TSPAN15: variants seen among roughly 807,000 people sequenced by gnomAD.
TSPAN15 encodes tetraspanin 15.
A neutral mutation model predicts 34.5 loss-of-function variants in TSPAN15; 20 were observed. The observed-to-expected ratio is 0.58, with a 90% CI of 0.41 to 0.84. The LOEUF is 0.84. Ranked by LOEUF, TSPAN15 falls within the 40% of genes least tolerant of loss-of-function variation. The probability of loss-of-function intolerance (pLI) is 0.00; values close to 1 mark genes in which losing one functional copy is unlikely to be tolerated. For synonymous variants in TSPAN15, 155 were observed against 153.9 expected (o/e 1.01, Z -0.05); for missense variants, 313 against 386.1 (o/e 0.81, Z 1.59).
In TSPAN15 at chr10:69,498,370, C is replaced by G; in HGVS notation, c.544C>G (p.Pro182Ala). 6.2e-7 allele frequency: 1 copy of G among 1,613,854 alleles called. No homozygotes were observed. Among genetic ancestry groups the G allele is most frequent in the Non-Finnish European group, 8.5e-7 (1 of 1,179,924 alleles). Reference sequence around the variant, plus strand: ...CCCTGGACCCCTGGCCTGTGGGGTGCCCTACACCTGCTGCATCAGGAACAC... The same window carrying G: ...CCCTGGACCCCTGGCCTGTGGGGTGGCCTACACCTGCTGCATCAGGAACAC... Reference protein sequence around the residue: ...SAPGPLACGVPYTCCIRNTTE... With the variant: ...SAPGPLACGVAYTCCIRNTTE... The change falls in exon 5 of 8, where the codon CCC (proline) becomes GCC (alanine). Residue 182 changes from proline (P) to alanine (A), a missense_variant. Transcript: ENST00000373290.
At chr10:69,489,753 C>A (rs1307687655) in intron 3 of TSPAN15, among the ~76,000 whole-genome samples, 1 of 152,250 alleles carries the variant, frequency 6.6e-6, no homozygotes. Context: ...ACTGGTGCCG[C>A]TTCTCCACTC....
chr10:69,543,705 T>C, the TSPAN15 span, among the ~76,000 whole-genome samples: 12 of 151,810 alleles, frequency 7.9e-5, no homozygotes, highest in East Asian at 2.3e-3. Context: ...TCCCTGGCGG[T>C]GGTCCGGAAT....
chr10:69,486,434 A>T (rs111827199), intron 3 of TSPAN15, among the ~76,000 whole-genome samples: 63 of 151,960 alleles, frequency 4.1e-4, no homozygotes, highest in African/African-American at 9.4e-4. Flanking sequence ...CTTTTTTTTT[A>T]AAAATAATGT....
chr10:69,479,198 G>C (rs73275759), intron 1 of TSPAN15, among the ~76,000 whole-genome samples: 1 of 152,208 alleles, frequency 6.6e-6, no homozygotes, highest in Admixed American at 6.5e-5. Context: ...GCAGGTCCTC[G>C]TTAAGTGCAG....
At position 69,485,209 on chromosome 10, in the gene TSPAN15, G is replaced by A; in HGVS notation, c.351G>A (p.Arg117=). The change falls in exon 3 of 8, where the codon CGG becomes CGA. Residue 117 remains arginine, a synonymous_variant. Transcript: ENST00000373290. ...LIGGVVALTF[R]NQTIDFLNDN... The stretch of plus-strand genomic sequence containing the variant: ...GTGGCGTGGTGGCCTTGACCTTCCG[G>A]AACCAGGTGGGCCTGTGGATTTGTG... 6.2e-7 allele frequency: 1 copy of A among 1,614,078 alleles called. No individual in the cohort carries two copies.
At chr10:69,492,151 G>A (rs1470833502) in intron 3 of TSPAN15, among the ~76,000 whole-genome samples, 1 of 152,180 alleles carries the variant, frequency 6.6e-6, no homozygotes, top group East Asian at 1.9e-4. Context: ...GGCCTGGTTT[G>A]GAGGGGAATG....
At chr10:69,460,461 G>A (rs1841227616) in intron 1 of TSPAN15, among the ~76,000 whole-genome samples, 1 of 152,148 alleles carries the variant, frequency 6.6e-6, no homozygotes. Context: ...GGGTTGGCCT[G>A]TGAAGGAGCT....
chr10:69,459,436 T>G (rs950351990), intron 1 of TSPAN15, among the ~76,000 whole-genome samples: 3 of 151,962 alleles, frequency 2.0e-5, no homozygotes, highest in South Asian at 2.1e-4. Flanking sequence ...GGGATGGGCG[T>G]TTCCACTTTC....
the TSPAN15 span, among the ~76,000 whole-genome samples, chr10:69,513,674 T>C: frequency 1.3e-5 from 2 of 152,266 alleles, no homozygotes; most frequent in African/African-American, 2.4e-5. Flanking sequence ...CTACATTTTC[T>C]TTTAAAAGTT....
intron 5 of TSPAN15, among the ~76,000 whole-genome samples, chr10:69,498,760 A>G (rs765620178): frequency 9.2e-5 from 14 of 152,314 alleles, no homozygotes; most frequent in Middle Eastern, 3.4e-3. Context: ...GAGGCACTCA[A>G]AGGCTGGGTG....
At chr10:69,455,402 C>T (rs1016108651) in intron 1 of TSPAN15, among the ~76,000 whole-genome samples, 1 of 152,142 alleles carries the variant, frequency 6.6e-6, no homozygotes, top group African/African-American at 2.4e-5. Context: ...TTATGGAGAT[C>T]TGCTAGGAGC....
downstream of TSPAN15, among the ~76,000 whole-genome samples, chr10:69,509,587 A>AAG (rs774576476): frequency 1.6e-4 from 25 of 152,178 alleles, no homozygotes; most frequent in Non-Finnish European, 3.4e-4. Flanking sequence ...CTTTAGTTTA[A>AAG]TCAGATCCCA....
rs1210520448 is a variant in TSPAN15, at chr10:69,506,883, A to C, written c.790A>C (p.Met264Leu). The C allele has an allele frequency of 6.2e-7, 1 of 1,605,312 alleles. No homozygotes were observed. Among genetic ancestry groups the C allele is most frequent in the Non-Finnish European group, 8.5e-7 (1 of 1,176,664 alleles). ...LYITRVEDIIMEHSVTDGLLG... is the reference protein window; with the variant it reads ...LYITRVEDIILEHSVTDGLLG... ...CATCACCCGGGTGGAGGACATCATC[A>C]TGGAGCACTCTGTCACTGATGGGCT... Residue 264 changes from methionine (M) to leucine (L), a missense_variant, in exon 8 of 8, where the codon ATG (methionine) becomes CTG (leucine). Coordinates refer to ENST00000373290, the MANE Select transcript of TSPAN15 (RefSeq NM_012339.5). The surrounding 1 kb of genome is among the most constrained non-coding windows in gnomAD (Gnocchi z 4.7).
chr10:69,523,807 G>A, the TSPAN15 span, among the ~76,000 whole-genome samples: 1 of 148,334 alleles, frequency 6.7e-6, no homozygotes, highest in Admixed American at 6.9e-5. Context: ...GATTACTGTA[G>A]CTTTGTAGTA....
chr10:69,534,877 G>A, the TSPAN15 span, among the ~76,000 whole-genome samples: 8 of 151,388 alleles, frequency 5.3e-5, no homozygotes, highest in East Asian at 1.9e-4. Context: ...CTAGCTACTC[G>A]GGAGGCTGAG....
At chr10:69,458,064 C>CATCTT (rs1841152822) in intron 1 of TSPAN15, among the ~76,000 whole-genome samples, 1 of 152,174 alleles carries the variant, frequency 6.6e-6, no homozygotes, top group Non-Finnish European at 1.5e-5. Flanking sequence ...AGGCCAAGAC[C>CATCTT]AGATCCAGGC....
chr10:69,524,867 G>C, the TSPAN15 span, among the ~76,000 whole-genome samples: 1 of 145,994 alleles, frequency 6.8e-6, no homozygotes, highest in African/African-American at 2.5e-5. Context: ...AGCAACCTCT[G>C]CCTCCCAGGT....
Position 69,507,570 on chromosome 10 carries a change from A to T in TSPAN15, c.*592A>T, listed in dbSNP as rs777052525. 7 of 1,303,794 alleles carry T rather than the reference A, an allele frequency of 5.4e-6. No homozygotes were observed. In the South Asian group the frequency reaches 7.4e-5, roughly 14 times the overall value. The allele number at this position is 1,303,794 out of a possible 1,614,324, so 80.8% of individuals were successfully genotyped here. A position where few individuals can be genotyped will look rare whatever the true frequency, so the allele number is the denominator to read the frequency against. On this transcript the variant is annotated 3_prime_UTR_variant, in exon 8 of 8. Coordinates refer to ENST00000373290, the MANE Select transcript of TSPAN15 (RefSeq NM_012339.5). ...TTTGTACAGATAACAGGAGTTTCTG[A>T]CTAATCAAAGCTGGTATTTCCCCGC...
chr10:69,474,174 C>T (rs891441716), intron 1 of TSPAN15, among the ~76,000 whole-genome samples: 1 of 146,658 alleles, frequency 6.8e-6, no homozygotes, highest in Non-Finnish European at 1.5e-5. Context: ...CCCACCTGCT[C>T]TCCCCACCGC....
Sources: gnomAD v4.1 joint callset for allele counts (sites outside exome capture counted in the v4.1 genomes callset) on GRCh38, gnomAD v4.1.1 for gene constraint, Gnocchi (gnomAD v3.1) non-coding constraint, MANE v1.5 for transcripts, NCBI Gene and HGNC (gene_info 2026-07-23, HGNC 2026-07-21) for gene names.